Variants in OXR1 observed in about 807,000 individuals in gnomAD.
OXR1 encodes the protein oxidation resistance protein 1.
In OXR1, 41 loss-of-function variants were observed where a neutral mutation model predicts 104.6. The observed-to-expected ratio is 0.39, with a 90% CI of 0.31 to 0.51. The LOEUF (loss-of-function observed/expected upper bound fraction) is 0.51, where lower values mean the gene tolerates loss of function less well. OXR1 is among the 20% of genes least tolerant of loss of function. OXR1 has a pLI of 0.77. For missense variants in OXR1, 955 were observed against 1,031.9 expected, an observed-to-expected ratio of 0.93 and a Z score of 1.02; for synonymous variants, 348 against 348.4, an observed-to-expected ratio of 1.00 and a Z score of 0.01.
At chr8:106,414,572 G>A (rs893918534) in intron 2 of OXR1, among the ~76,000 whole-genome samples, 1 of 152,128 alleles carries the variant, frequency 6.6e-6, no homozygotes, top group South Asian at 2.1e-4. Flanking sequence ...AATAAACAAT[G>A]TATTTTTAGA....
chr8:106,686,322 G>GTAAACTTC (rs1828718430), intron 6 of OXR1, among the ~76,000 whole-genome samples: 1 of 149,906 alleles, frequency 6.7e-6, no homozygotes, highest in Non-Finnish European at 1.5e-5. Flanking sequence ...AGAAGAGTTT[G>GTAAACTTC]TAAACTTCTC....
At chr8:106,423,249 A>G (rs1257800666) in intron 2 of OXR1, among the ~76,000 whole-genome samples, 1 of 152,216 alleles carries the variant, frequency 6.6e-6, no homozygotes, top group Non-Finnish European at 1.5e-5. Flanking sequence ...CTGTAAGCTC[A>G]GTCTTTCAAA....
chr8:106,530,104 T>C (rs1258270984), intron 3 of OXR1, among the ~76,000 whole-genome samples: 1 of 152,240 alleles, frequency 6.6e-6, no homozygotes, highest in East Asian at 1.9e-4. Context: ...TAAACATTTA[T>C]AGATAGAACT....
intron 2 of OXR1, among the ~76,000 whole-genome samples, chr8:106,379,136 CGT>C (rs771303169): frequency 1.5e-4 from 23 of 152,126 alleles, no homozygotes; most frequent in Non-Finnish European, 2.9e-4. Flanking sequence ...CACCTGGAAA[CGT>C]GTTAAAGGCA....
At chr8:106,517,503 C>G (rs1305970266) in intron 2 of OXR1, among the ~76,000 whole-genome samples, 1 of 152,104 alleles carries the variant, frequency 6.6e-6, no homozygotes, top group Non-Finnish European at 1.5e-5. Flanking sequence ...CATAAAAATA[C>G]ATGCCTTGAA....
chr8:106,598,841 G>C lies in OXR1; in HGVS notation c.220+79702G>C, dbSNP rs572388176. Reference sequence around the variant, plus strand: ...TAATCTCACAAGTGAGGGATATTTTGCCTCAGAAAAAAAATAAAATAAAAC... The same window carrying C: ...TAATCTCACAAGTGAGGGATATTTTCCCTCAGAAAAAAAATAAAATAAAAC... On this transcript the variant is annotated intron_variant, in intron 3 of 16. Transcript: ENST00000517566. Among the ~76,000 whole-genome samples the C allele has an allele frequency of 2.0e-5, 3 of 152,134 alleles. No individual in the cohort carries two copies. In the South Asian group the frequency reaches 6.2e-4, roughly 32 times the overall value.
rs1813507192 is a variant in OXR1 at position 106,307,342 on chromosome 8, G to A, written c.-139+36975G>A. Among the ~76,000 whole-genome samples, 3 of 152,056 alleles carry A rather than the reference G, an allele frequency of 2.0e-5. No individual in the cohort carries two copies. In the South Asian group the frequency reaches 6.2e-4, roughly 31 times the overall value. On this transcript the variant is annotated intron_variant, in intron 1 of 16. Coordinates refer to ENST00000517566, the MANE Select transcript of OXR1 (RefSeq NM_001198533.2). ...CCCCATTGTCCCCAGGATAACATTC[G>A]AAAGCTTCAATCCTTCATGGTCTGG...
chr8:106,529,632 T>A (rs1461219959), intron 3 of OXR1, among the ~76,000 whole-genome samples: 1 of 152,204 alleles, frequency 6.6e-6, no homozygotes, highest in African/African-American at 2.4e-5. Context: ...TTATTCTTTT[T>A]TGCCCTGATT....
intron 3 of OXR1, among the ~76,000 whole-genome samples, chr8:106,608,720 T>A (rs1820588351): frequency 6.6e-6 from 1 of 152,216 alleles, no homozygotes; most frequent in Admixed American, 6.5e-5. Flanking sequence ...AACATGCTTT[T>A]ATTCTTTGAC....
intron 3 of OXR1, among the ~76,000 whole-genome samples, chr8:106,632,953 C>T (rs951723324): frequency 2.0e-5 from 3 of 149,380 alleles, no homozygotes; most frequent in African/African-American, 4.9e-5. Flanking sequence ...AACAGCCAAC[C>T]GGCCGGGTGC....
At chr8:106,570,824 C>T (rs556953933) in intron 3 of OXR1, among the ~76,000 whole-genome samples, 15 of 152,224 alleles carry the variant, frequency 9.9e-5, no homozygotes, top group African/African-American at 3.6e-4. Context: ...AATCTCATAC[C>T]TGCTATCTTA....
intron 3 of OXR1, among the ~76,000 whole-genome samples, chr8:106,573,864 C>T (rs117389705): frequency 7.0e-4 from 107 of 152,194 alleles, no homozygotes; most frequent in Middle Eastern, 6.8e-3. Context: ...CTTGAATGTT[C>T]TCCATCAGTT....
intron 9 of OXR1, among the ~76,000 whole-genome samples, chr8:106,708,511 G>A (rs1354991295): frequency 6.6e-6 from 1 of 152,138 alleles, no homozygotes; most frequent in South Asian, 2.1e-4. Flanking sequence ...GATACTTCAT[G>A]TGAGTGGAGT....
intron 6 of OXR1, among the ~76,000 whole-genome samples, chr8:106,692,034 T>C (rs1829357024): frequency 6.6e-6 from 1 of 151,628 alleles, no homozygotes; most frequent in Admixed American, 6.6e-5. Context: ...TATATAACTA[T>C]ACCTCTAGTT....
intron 2 of OXR1, among the ~76,000 whole-genome samples, chr8:106,402,362 A>C (rs1357268642): frequency 6.6e-6 from 1 of 152,188 alleles, no homozygotes; most frequent in African/African-American, 2.4e-5. Flanking sequence ...AGTGGCTTCC[A>C]CTTGGTCTTT....
chr8:106,322,840 A>C (rs185921341), intron 1 of OXR1, among the ~76,000 whole-genome samples: 18 of 152,306 alleles, frequency 1.2e-4, no homozygotes, highest in African/African-American at 3.8e-4. Context: ...GAGGTGAAAG[A>C]TCTCTACAAG....
chr8:106,306,315 A>T (rs1234543367), intron 1 of OXR1, among the ~76,000 whole-genome samples: 2 of 152,100 alleles, frequency 1.3e-5, no homozygotes, highest in African/African-American at 2.4e-5. Context: ...ATCATAATAC[A>T]TTGGGTTTTA....
chr8:106,712,792 C>T (rs1314043658), intron 10 of OXR1, among the ~76,000 whole-genome samples: 1 of 151,966 alleles, frequency 6.6e-6, no homozygotes, highest in Non-Finnish European at 1.5e-5. Flanking sequence ...GATATTCAAA[C>T]GTTCCAGTGA....
rs76373531 is a variant in OXR1, at chr8:106,653,611, G to A, written c.221-25599G>A. ...TGGTGCTTCCTAAACTAGAGTAAGG[G>A]CATCTACAAAAAAACGATGTATAAT... On this transcript the variant is annotated intron_variant, in intron 3 of 16. Transcript: ENST00000517566. Among the ~76,000 whole-genome samples, 164 of 151,898 alleles carry A rather than the reference G, an allele frequency of 1.1e-3. 2 individuals are homozygous for A. The East Asian group carries it at 0.03, about 27-fold the overall frequency.
Sources: gnomAD v4.1 joint callset for allele counts (sites outside exome capture counted in the v4.1 genomes callset) on GRCh38, gnomAD v4.1.1 for gene constraint, MANE v1.5 for transcripts, NCBI Gene and HGNC (gene_info 2026-07-23, HGNC 2026-07-21) for gene names.